Variants in RIMS2 observed in about 807,000 individuals in gnomAD.
The protein encoded by RIMS2 is regulating synaptic membrane exocytosis protein 2.
RIMS2 carries 59 observed loss-of-function variants against 174.4 expected under a neutral mutation model. The observed-to-expected ratio is 0.34, with a 90% CI of 0.27 to 0.42. The LOEUF (loss-of-function observed/expected upper bound fraction) is 0.42. Ranked by LOEUF, RIMS2 falls within the 10% of genes least tolerant of loss-of-function variation. The pLI, the probability that RIMS2 is intolerant of heterozygous loss-of-function variation, is 1.00. For missense variants in RIMS2, 1,620 were observed against 1,666.3 expected, an observed-to-expected ratio of 0.97 and a Z score of 0.48; for synonymous variants, 606 against 572.5, an observed-to-expected ratio of 1.06 and a Z score of -0.84.
intron 13 of RIMS2, 65 bp downstream of exon 15, chr8:103,936,787 T>A: frequency 8.0e-7 from 1 of 1,248,178 alleles, no homozygotes; most frequent in Non-Finnish European, 1.1e-6. Context: ...TTTATATAAC[T>A]GTCAGTATAA....
intron 1 of RIMS2, among the ~76,000 whole-genome samples, chr8:103,695,202 C>T (rs1208925716): frequency 6.6e-6 from 1 of 152,154 alleles, no homozygotes; most frequent in Non-Finnish European, 1.5e-5. Context: ...TTTTGCTACA[C>T]TTAGTTGCTA....
intron 19 of RIMS2, among the ~76,000 whole-genome samples, chr8:104,101,147 G>T (rs2097889835): frequency 6.9e-6 from 1 of 144,936 alleles, no homozygotes; most frequent in South Asian, 2.2e-4. Flanking sequence ...ATATATTTGA[G>T]ACAGGGTCTC....
intron 2 of RIMS2, among the ~76,000 whole-genome samples, chr8:103,723,383 C>T (rs1364653896): frequency 2.0e-5 from 3 of 152,222 alleles, no homozygotes; most frequent in African/African-American, 7.2e-5. Flanking sequence ...ACCAGTTAGC[C>T]TGTTCAGAGA....
In RIMS2 at chr8:104,105,772, C is replaced by T. The variant is rs577653006; in HGVS notation, c.3334+91157C>T. On this transcript the variant is annotated intron_variant, in intron 19 of 23. Coordinates refer to ENST00000504942, the Ensembl canonical transcript of RIMS2. ...AAATTTAGAAGGCTGGGCATGGTGG[C>T]TCACACCTGTAATCCCAGCACTTTG... 1.2e-4 allele frequency among the ~76,000 whole-genome samples: 18 copies of T among 152,072 alleles called. No homozygotes were observed. The South Asian group carries it at 3.7e-3, about 32-fold the overall frequency.
chr8:104,143,579 A>G (rs28453355), intron 19 of RIMS2, among the ~76,000 whole-genome samples: 1,950 of 152,272 alleles, frequency 0.013, 27 homozygotes, highest in African/African-American at 0.044. Context: ...TCAAGATACC[A>G]TGTTTAGGAG....
At chr8:103,945,251 C>G (rs181922866) in intron 14 of RIMS2, among the ~76,000 whole-genome samples, 16 of 152,030 alleles carry the variant, frequency 1.1e-4, no homozygotes, top group African/African-American at 3.6e-4. Flanking sequence ...CCATAAAAAG[C>G]TAAAAATCTG....
intron 2 of RIMS2, among the ~76,000 whole-genome samples, chr8:103,699,359 A>G (rs554261231): frequency 1.3e-5 from 2 of 152,012 alleles, no homozygotes. Context: ...CCCGAGTAGC[A>G]GGAACTATGA....
chr8:103,609,282 A>G (rs1225215839), intron 1 of RIMS2, among the ~76,000 whole-genome samples: 1 of 152,104 alleles, frequency 6.6e-6, no homozygotes, highest in Non-Finnish European at 1.5e-5. Flanking sequence ...ATAGTTTGGA[A>G]ATATTTTCTC....
intron 1 of RIMS2, among the ~76,000 whole-genome samples, chr8:103,594,200 ACT>A (rs2094392019): frequency 6.6e-6 from 1 of 151,586 alleles, no homozygotes; most frequent in South Asian, 2.1e-4. Context: ...TTTTGTTTCA[ACT>A]GTGATAACTT....
intron 4 of RIMS2, among the ~76,000 whole-genome samples, chr8:103,897,360 C>T (rs186094338): frequency 1.3e-5 from 2 of 151,816 alleles, no homozygotes; most frequent in East Asian, 1.9e-4. Context: ...GCTATCCCAT[C>T]AGTGAACCAG....
At chr8:103,757,118 A>G (rs1353182255) in intron 2 of RIMS2, among the ~76,000 whole-genome samples, 1 of 146,024 alleles carries the variant, frequency 6.8e-6, no homozygotes, top group Non-Finnish European at 1.5e-5. Context: ...GATACCGGGA[A>G]TCCTTAGATC....
At chr8:104,253,993 C>G (rs1588322938), downstream of RIMS2, 1 of 152,060 alleles carries the variant, frequency 6.6e-6, no homozygotes, top group Non-Finnish European at 1.5e-5. Context: ...AATTTAGACA[C>G]CTGTGTACCA....
intron 19 of RIMS2, among the ~76,000 whole-genome samples, chr8:104,180,732 G>A (rs976066097): frequency 6.6e-6 from 1 of 151,554 alleles, no homozygotes; most frequent in Non-Finnish European, 1.5e-5. Flanking sequence ...TATGACATTG[G>A]ATCTTTTGCC....
intron 1 of RIMS2, among the ~76,000 whole-genome samples, chr8:103,519,496 A>G (rs1830600117): frequency 1.3e-5 from 2 of 151,992 alleles, no homozygotes; most frequent in African/African-American, 4.8e-5. Flanking sequence ...CTTCCAGTTC[A>G]CATTTCTCAG....
At chr8:103,928,543 G>A (rs993929056) in intron 11 of RIMS2, among the ~76,000 whole-genome samples, 2 of 151,186 alleles carry the variant, frequency 1.3e-5, no homozygotes, top group Admixed American at 1.3e-4. Context: ...CCCTTATATG[G>A]TAAAGTAATG....
intron 19 of RIMS2, among the ~76,000 whole-genome samples, chr8:104,032,037 C>T (rs2096405212): frequency 6.6e-6 from 1 of 151,872 alleles, no homozygotes; most frequent in African/African-American, 2.4e-5. Context: ...AATTTAAATA[C>T]AGATGGTCAT....
At chr8:104,038,654 A>G (rs2096558829) in intron 19 of RIMS2, among the ~76,000 whole-genome samples, 1 of 151,930 alleles carries the variant, frequency 6.6e-6, no homozygotes, top group Non-Finnish European at 1.5e-5. Flanking sequence ...ATAATACTAT[A>G]TGCAAAATAA....
At chr8:104,182,619 T>C (rs1441169199) in intron 19 of RIMS2, among the ~76,000 whole-genome samples, 2 of 151,810 alleles carry the variant, frequency 1.3e-5, no homozygotes, top group Non-Finnish European at 1.5e-5. Context: ...TGGGCTTTCA[T>C]ACAAATGGAG....
At chr8:104,100,903 T>C (rs1317071268) in intron 19 of RIMS2, among the ~76,000 whole-genome samples, 1 of 140,612 alleles carries the variant, frequency 7.1e-6, no homozygotes, top group East Asian at 2.0e-4. Context: ...ATATGTTATA[T>C]ATTATATGTA....
Sources: allele counts gnomAD v4.1 joint callset (sites outside exome capture counted in the v4.1 genomes callset), GRCh38; gene constraint gnomAD v4.1.1; transcripts MANE v1.5; gene names NCBI Gene and HGNC (gene_info 2026-07-23, HGNC 2026-07-21).